The following C2CD2 variants were observed in gnomAD, a reference collection of about 807,000 sequenced individuals.
C2CD2 encodes the protein C2 calcium dependent domain containing 2, also known as C2 domain-containing protein 2.
Under a neutral mutation model 74.3 loss-of-function variants are expected in C2CD2, and 43 were observed. That is an observed-to-expected ratio of 0.58 (90% confidence interval 0.45 to 0.75). The LOEUF (loss-of-function observed/expected upper bound fraction) is 0.75, where lower values mean the gene tolerates loss of function less well. Ranked by LOEUF, C2CD2 falls within the 30% of genes least tolerant of loss-of-function variation. C2CD2 has a pLI of 0.00. For missense variants in C2CD2, 801 were observed against 916.3 expected, an observed-to-expected ratio of 0.87 and a Z score of 1.63; for synonymous variants, 422 against 390.7, an observed-to-expected ratio of 1.08 and a Z score of -0.94.
intron 6 of C2CD2, among the ~76,000 whole-genome samples, chr21:41,913,994 G>A (rs2065058272): frequency 1.3e-5 from 2 of 152,198 alleles, no homozygotes; most frequent in African/African-American, 4.8e-5. Flanking sequence ...TTGGGAGGCT[G>A]AGGCGGGCGG....
At chr21:41,920,002 G>A (rs73904782) in intron 3 of C2CD2, among the ~76,000 whole-genome samples, 224 of 152,344 alleles carry the variant, frequency 1.5e-3, no homozygotes, top group African/African-American at 5.0e-3. Flanking sequence ...GCATCCCTGC[G>A]GGTGTGGACG....
intron 2 of C2CD2, among the ~76,000 whole-genome samples, chr21:41,928,237 G>A (rs1454367870): frequency 1.3e-5 from 2 of 152,152 alleles, no homozygotes; most frequent in South Asian, 2.1e-4. Context: ...CCGACCAACC[G>A]ACGAAACCTC....
In C2CD2 at chr21:41,908,193, A is replaced by G. The variant is rs2064986851; in HGVS notation, c.1019-409T>C. 22 of 259,298 alleles carry G rather than the reference A, an allele frequency of 8.5e-5. No homozygotes were observed. The South Asian group carries it at 9.4e-4, about 11-fold the overall frequency. The allele number at this position is 259,298 out of a possible 1,614,324, so 16.1% of individuals were successfully genotyped here. The stretch of plus-strand genomic sequence containing the variant: ...TATCTCCATTCCTGGGAAAATACAC[A>G]CTAAAGAATTGAGGATAAAGGGCCA... On this transcript the variant is annotated intron_variant, in intron 8 of 13. Transcript: ENST00000380486.
intron 12 of C2CD2, 88 bp downstream of exon 12, chr21:41,901,534 G>A (rs1679727326): frequency 7.3e-7 from 1 of 1,371,352 alleles, no homozygotes; most frequent in Admixed American, 1.7e-5. Flanking sequence ...TTAACCAAGT[G>A]CTTGGGCTAA....
rs146116882 is a variant in C2CD2 at position 41,899,013 on chromosome 21, C to G, written c.1870+40G>C. 556 of 1,536,164 alleles carry G rather than the reference C, an allele frequency of 3.6e-4. 5 individuals are homozygous for G. The East Asian group carries it at 0.012, about 33-fold the overall frequency. On this transcript the variant is annotated intron_variant, in intron 13 of 13. Transcript: ENST00000380486. The surrounding 1 kb of genome is among the most constrained non-coding windows in gnomAD (Gnocchi z 4.4). ...GAAGCCAGCATGAGCGCAAAGCCAC[C>G]AAGTGGGGGGCCCGGGATGGGGGGC... is the stretch of plus-strand genomic sequence containing the variant.
At chr21:41,949,500 G>A (rs751655941) in intron 1 of C2CD2, among the ~76,000 whole-genome samples, 7 of 152,176 alleles carry the variant, frequency 4.6e-5, no homozygotes, top group Admixed American at 6.5e-5. Flanking sequence ...TTGCTTTTAC[G>A]TGGTGCTGGG....
At chr21:41,925,098 A>G (rs365163) in intron 2 of C2CD2, among the ~76,000 whole-genome samples, 46,110 of 151,984 alleles carry the variant, frequency 0.3, 7,056 homozygotes, top group Non-Finnish European at 0.33. Context: ...GTCTTCCCCA[A>G]CCCTAGGGCT....
At position 41,953,736 on chromosome 21, in the gene C2CD2, A is replaced by G; in HGVS notation, c.-88T>C. ...CAGGACACGCGCTGGCTGCGGCCAC[A>G]GCGCGCTGGGGGCGTGGAGGGGGCG... On this transcript the variant is annotated 5_prime_UTR_variant, in exon 1 of 14. Coordinates refer to ENST00000380486, the MANE Select transcript of C2CD2 (RefSeq NM_015500.2). 1 of 1,212,510 alleles carries G rather than the reference A, an allele frequency of 8.2e-7. No individual in the cohort carries two copies. The highest frequency in any genetic ancestry group is 1.0e-6 in the Non-Finnish European group (1 of 965,128). The allele number at this position is 1,212,510 out of a possible 1,614,324, so 75.1% of individuals were successfully genotyped here.
At chr21:41,916,480 T>C in intron 5 of C2CD2, among the ~76,000 whole-genome samples, 1 of 152,148 alleles carries the variant, frequency 6.6e-6, no homozygotes, top group East Asian at 1.9e-4. Context: ...AGACTTGGAC[T>C]GAAACAGTGA....
At chr21:41,952,735 G>C (rs2065459863) in intron 1 of C2CD2, among the ~76,000 whole-genome samples, 1 of 152,224 alleles carries the variant, frequency 6.6e-6, no homozygotes, top group African/African-American at 2.4e-5. Context: ...CCCACGAGCT[G>C]TGTGGCACTG....
intron 5 of C2CD2, among the ~76,000 whole-genome samples, chr21:41,915,234 C>A (rs1378952133): frequency 6.6e-6 from 1 of 152,198 alleles, no homozygotes; most frequent in Non-Finnish European, 1.5e-5. Context: ...TCTATGCATA[C>A]CCTAGCACTG....
In C2CD2 at chr21:41,907,715, G is replaced by A. The variant is rs865993175; in HGVS notation, c.1088C>T (p.Thr363Met). The A allele has an allele frequency of 1.4e-5, 23 of 1,613,114 alleles. No homozygotes were observed. Among genetic ancestry groups the A allele is most frequent in the East Asian group, 2.2e-5 (1 of 44,888 alleles). ...KKQPSGPQSF[T>M]LTSGSACGSS... ...GCCGCAGGCAGACCCGCTGGTCAGCGTGAAGCTCTGTGGCCCAGAAGGCTG... is the reference window on the plus strand; with the variant it reads ...GCCGCAGGCAGACCCGCTGGTCAGCATGAAGCTCTGTGGCCCAGAAGGCTG... Residue 363 changes from threonine (T) to methionine (M), a missense_variant, in exon 9 of 14, where the codon ACG (threonine) becomes ATG (methionine). Transcript: ENST00000380486.
intron 13 of C2CD2, among the ~76,000 whole-genome samples, chr21:41,889,611 G>A (rs184890968): frequency 9.3e-4 from 140 of 150,656 alleles, no homozygotes; most frequent in Admixed American, 2.9e-3. Context: ...TTCTAAGGCC[G>A]ATATTTATAT....
intron 2 of C2CD2, among the ~76,000 whole-genome samples, chr21:41,928,537 A>G (rs912363122): frequency 1.4e-5 from 2 of 140,580 alleles, no homozygotes; most frequent in Non-Finnish European, 3.0e-5. Flanking sequence ...AATCATGTAA[A>G]GCAAAGCAAA....
In C2CD2 at chr21:41,945,816, C is replaced by T. The variant is rs541272405; in HGVS notation, c.280-3571G>A. ...ATGAAGAAGGTGACGGCTTTCCCTA[C>T]CATCATGATTGTAAGTTTCCTGAGG... On this transcript the variant is annotated intron_variant, in intron 1 of 13. Coordinates refer to ENST00000380486, the MANE Select transcript of C2CD2 (RefSeq NM_015500.2). The surrounding 1 kb of genome is among the most constrained non-coding windows in gnomAD (Gnocchi z 4.2). Among the ~76,000 whole-genome samples, 2 of 152,324 alleles carry T rather than the reference C, an allele frequency of 1.3e-5. No homozygotes were observed. Among genetic ancestry groups the T allele is most frequent in the South Asian group, 4.1e-4 (2 of 4,828 alleles).
intron 2 of C2CD2, among the ~76,000 whole-genome samples, chr21:41,933,398 G>A (rs992279898): frequency 4.6e-5 from 7 of 152,098 alleles, no homozygotes; most frequent in Non-Finnish European, 7.4e-5. Flanking sequence ...CTGTGAACCC[G>A]CTGCCCTACA....
At chr21:41,907,862 C>T (rs1286273154) in intron 8 of C2CD2, 78 bp from the exon 9 acceptor site, 7 of 1,515,398 alleles carry the variant, frequency 4.6e-6, no homozygotes, top group South Asian at 2.3e-5. Context: ...CCCACACGCC[C>T]AGCAGCCGGA....
At chr21:41,942,968 TC>T (rs1213362032) in intron 1 of C2CD2, 2 of 984,096 alleles carry the variant, frequency 2.0e-6, no homozygotes, top group Non-Finnish European at 2.4e-6. Flanking sequence ...TCCAGGAAAC[TC>T]GGTCAGCTCA....
intron 10 of C2CD2, 25 bp downstream of exon 10, chr21:41,906,964 TTCC>T (rs779915688): frequency 1.3e-6 from 2 of 1,595,872 alleles, no homozygotes; most frequent in South Asian, 1.1e-5. Context: ...ATGCAGAAAG[TTCC>T]TCGACTGCGT....
Sources: allele counts gnomAD v4.1 joint callset (sites outside exome capture counted in the v4.1 genomes callset), GRCh38; gene constraint gnomAD v4.1.1; non-coding constraint Gnocchi (gnomAD v3.1); transcripts MANE v1.5; gene names NCBI Gene and HGNC (gene_info 2026-07-23, HGNC 2026-07-21).